The following ERBB4 variants were observed in gnomAD, a reference collection of about 807,000 sequenced individuals.
ERBB4 encodes erb-b2 receptor tyrosine kinase 4.
In ERBB4, 42 loss-of-function variants were observed where a neutral mutation model predicts 158.0. The ratio of observed to expected loss-of-function variants is 0.27; its 90% confidence interval spans 0.21 to 0.34. The LOEUF (loss-of-function observed/expected upper bound fraction) is 0.34. ERBB4 is among the 10% of genes least tolerant of loss of function. The pLI is 1.00. For missense variants in ERBB4, 1,333 were observed against 1,624.1 expected (o/e 0.82, Z 3.08); for synonymous variants, 583 against 558.7 (o/e 1.04, Z -0.61).
chr2:211,846,605 A>G (rs1186424878), intron 3 of ERBB4, among the ~76,000 whole-genome samples: 1 of 152,130 alleles, frequency 6.6e-6, no homozygotes, highest in Non-Finnish European at 1.5e-5. Flanking sequence ...AGATAATTTG[A>G]CCACCTGGAA....
At chr2:212,073,868 T>C (rs1394866019) in intron 2 of ERBB4, among the ~76,000 whole-genome samples, 1 of 152,058 alleles carries the variant, frequency 6.6e-6, no homozygotes, top group Non-Finnish European at 1.5e-5. Context: ...AAGCCAGTTA[T>C]GTGAAAATAT....
chr2:212,450,045 A>T (rs902199345), intron 1 of ERBB4, among the ~76,000 whole-genome samples: 1 of 152,196 alleles, frequency 6.6e-6, no homozygotes, highest in Non-Finnish European at 1.5e-5. Context: ...AAGTCTGGTT[A>T]CAAATTACTT....
Position 211,721,443 on chromosome 2 carries a change from C to CAAAAAAAAAAAA in ERBB4, c.883+938_883+949dup, listed in dbSNP as rs71054136. On this transcript the variant is annotated intron_variant, in intron 7 of 27. Transcript: ENST00000342788. Reference sequence around the variant, plus strand: ...GAAATGTCCCATTGGTTACTCAAAGCAAAAAAAAAAAAAAAAAAAAAATAG... The same window carrying CAAAAAAAAAAAA: ...GAAATGTCCCATTGGTTACTCAAAGCAAAAAAAAAAAAAAAAAAAAAAAAAAAAAAAAAATAG... Among the ~76,000 whole-genome samples, 468 of 54,484 alleles carry CAAAAAAAAAAAA rather than the reference C, an allele frequency of 8.6e-3. 83 individuals are homozygous for CAAAAAAAAAAAA. Among genetic ancestry groups the CAAAAAAAAAAAA allele is most frequent in the African/African-American group, 9.8e-3 (103 of 10,534 alleles). The allele number at this position is 54,484 out of a possible 152,430, so 35.7% of individuals were successfully genotyped here. A position where few individuals can be genotyped will look rare whatever the true frequency, so the allele number is the denominator to read the frequency against.
chr2:211,597,546 G>A (rs541602890), intron 19 of ERBB4, among the ~76,000 whole-genome samples: 325 of 152,128 alleles, frequency 2.1e-3, no homozygotes, highest in African/African-American at 7.6e-3. Flanking sequence ...AAGAAGTTTT[G>A]TAATATAACA....
At chr2:212,100,353 G>C (rs1359828450) in intron 2 of ERBB4, among the ~76,000 whole-genome samples, 3 of 152,190 alleles carry the variant, frequency 2.0e-5, no homozygotes, top group African/African-American at 7.2e-5. Context: ...CCAAGATTCT[G>C]CTCTAATATT....
rs142177733 is a variant in ERBB4 at position 212,312,548 on chromosome 2, T to C, written c.83-187645A>G. On this transcript the variant is annotated intron_variant, in intron 1 of 27. Transcript: ENST00000342788. The stretch of plus-strand genomic sequence containing the variant: ...GTACTCTTTCCAAATTACATAAGAA[T>C]CAATTGTCAAATTAAAAAGCAAACA... Among the ~76,000 whole-genome samples the C allele has an allele frequency of 1.4e-3, 209 of 151,126 alleles. 1 individual carries two copies. The South Asian group carries it at 0.014, about 10-fold the overall frequency.
At chr2:212,146,780 A>C (rs17416443) in intron 1 of ERBB4, among the ~76,000 whole-genome samples, 1 of 152,014 alleles carries the variant, frequency 6.6e-6, no homozygotes. Context: ...ACATCTTTAG[A>C]TTTATTTTCT....
intron 6 of ERBB4, among the ~76,000 whole-genome samples, chr2:211,723,927 T>C (rs1192183174): frequency 6.6e-6 from 1 of 152,192 alleles, no homozygotes; most frequent in Admixed American, 6.5e-5. Context: ...AGTAATGAAA[T>C]GATAATTTGA....
At chr2:212,128,202 A>G (rs942221763) in intron 1 of ERBB4, among the ~76,000 whole-genome samples, 3 of 152,198 alleles carry the variant, frequency 2.0e-5, no homozygotes, top group Non-Finnish European at 4.4e-5. Context: ...AAATACCTCT[A>G]AAATCTTTAA....
intron 2 of ERBB4, among the ~76,000 whole-genome samples, chr2:212,021,416 A>G (rs2076646387): frequency 6.6e-6 from 1 of 152,164 alleles, no homozygotes; most frequent in South Asian, 2.1e-4. Flanking sequence ...AAATAAAACC[A>G]CACATCTATA....
intron 1 of ERBB4, among the ~76,000 whole-genome samples, chr2:212,306,254 C>A (rs1401801119): frequency 6.6e-6 from 1 of 151,472 alleles, no homozygotes. Context: ...CTTGACATTT[C>A]TAATTCAGCA....
intron 27 of ERBB4, among the ~76,000 whole-genome samples, chr2:211,385,656 C>T (rs1033010822): frequency 1.3e-5 from 2 of 152,228 alleles, no homozygotes; most frequent in South Asian, 2.1e-4. Flanking sequence ...TTTATAGAAA[C>T]GGAGCTTAGT....
At chr2:212,294,339 G>A (rs114913993) in intron 1 of ERBB4, among the ~76,000 whole-genome samples, 1,579 of 151,950 alleles carry the variant, frequency 0.01, 31 homozygotes, top group African/African-American at 0.034. Flanking sequence ...TGAGAAATTC[G>A]TGTCTCTATT....
At chr2:211,663,422 A>C (rs2071506233) in intron 15 of ERBB4, among the ~76,000 whole-genome samples, 1 of 152,174 alleles carries the variant, frequency 6.6e-6, no homozygotes, top group Non-Finnish European at 1.5e-5. Context: ...CTGCGGCTGC[A>C]AATTGCTAAA....
intron 4 of ERBB4, among the ~76,000 whole-genome samples, chr2:211,759,682 C>T (rs2075362449): frequency 6.6e-6 from 1 of 152,024 alleles, no homozygotes; most frequent in African/African-American, 2.4e-5. Flanking sequence ...AGCAAACATT[C>T]CAGATAGATT....
At chr2:211,996,973 A>T (rs2082214287) in intron 2 of ERBB4, among the ~76,000 whole-genome samples, 1 of 152,192 alleles carries the variant, frequency 6.6e-6, no homozygotes, top group Non-Finnish European at 1.5e-5. Flanking sequence ...AACCATCACG[A>T]TGAGGACTAA....
intron 3 of ERBB4, among the ~76,000 whole-genome samples, chr2:211,862,611 A>T (rs1156541151): frequency 6.6e-6 from 1 of 152,010 alleles, no homozygotes; most frequent in Non-Finnish European, 1.5e-5. Context: ...ATAAAAAAGG[A>T]ACTTTTAGAA....
At chr2:211,490,185 G>A (rs1370634360) in intron 20 of ERBB4, among the ~76,000 whole-genome samples, 1 of 151,978 alleles carries the variant, frequency 6.6e-6, no homozygotes, top group Non-Finnish European at 1.5e-5. Flanking sequence ...TCCTCACATT[G>A]CAGTTGACTA....
At chr2:212,402,292 A>G (rs2091229539) in intron 1 of ERBB4, among the ~76,000 whole-genome samples, 1 of 152,146 alleles carries the variant, frequency 6.6e-6, no homozygotes, top group Admixed American at 6.6e-5. Context: ...ATTTATATAA[A>G]ATGTTTTATA....
Sources: allele counts gnomAD v4.1 joint callset (sites outside exome capture counted in the v4.1 genomes callset), GRCh38; gene constraint gnomAD v4.1.1; transcripts MANE v1.5; gene names NCBI Gene and HGNC (gene_info 2026-07-23, HGNC 2026-07-21).